DMD: variants seen among roughly 807,000 people sequenced by gnomAD.
The protein encoded by DMD is mutant dystrophin.
A neutral mutation model predicts 330.1 loss-of-function variants in DMD; 63 were observed. The observed-to-expected ratio is 0.19, with a 90% confidence interval of 0.16 to 0.24. The LOEUF (loss-of-function observed/expected upper bound fraction) is 0.24, where lower values mean the gene tolerates loss of function less well. Ranked by LOEUF, DMD falls within the 10% of genes least tolerant of loss-of-function variation. The pLI, the probability that DMD is intolerant of heterozygous loss-of-function variation, is 1.00. For missense variants in DMD, 3,344 were observed against 2,684.1 expected (o/e 1.25, Z -5.43); for synonymous variants, 1,223 against 959.8 (o/e 1.27, Z -5.07).
At chrX:31,829,687 A>C (rs1188065688) in intron 49 of DMD, among the ~76,000 whole-genome samples, 1 of 112,119 alleles carries the variant, frequency 8.9e-6, no homozygotes, top group Non-Finnish European at 1.9e-5. Context: ...AGTAAACTAG[A>C]ATATAGTTTT....
intron 32 of DMD, among the ~76,000 whole-genome samples, chrX:32,387,312 G>A (rs889764013): frequency 9.0e-6 from 1 of 110,727 alleles, no homozygotes; most frequent in Non-Finnish European, 1.9e-5. Context: ...AGAAATATAT[G>A]TCTTTGTATG....
intron 44 of DMD, among the ~76,000 whole-genome samples, chrX:32,181,776 T>A (rs912623354): frequency 1.8e-5 from 2 of 111,290 alleles, no homozygotes; most frequent in African/African-American, 6.5e-5. Context: ...ATATAGTATA[T>A]TTTCCATGTG....
chrX:31,591,526 T>C (rs998917846), intron 55 of DMD, among the ~76,000 whole-genome samples: 1 of 111,489 alleles, frequency 9.0e-6, no homozygotes, highest in Admixed American at 9.6e-5. Context: ...TAGAAGTTTA[T>C]GAAAGTCAGC....
At chrX:32,842,127 G>A (rs1405939498) in intron 4 of DMD, among the ~76,000 whole-genome samples, 2 of 112,062 alleles carry the variant, frequency 1.8e-5, no homozygotes, top group East Asian at 2.8e-4. Flanking sequence ...AGCCAGAAAT[G>A]AGCAGGCAAG....
chrX:32,493,869 G>A lies in DMD; in HGVS notation c.2381-2351C>T, dbSNP rs2043235675. 3.6e-5 allele frequency among the ~76,000 whole-genome samples: 4 copies of A among 111,042 alleles called. 1 individual carries two copies. In the South Asian group the frequency reaches 1.5e-3, roughly 42 times the overall value. Reference sequence around the variant, plus strand: ...ACAAGCAGTTAGAAGTCCATGAAGGGTGAAACGTCAACATGAACCAGGTAT... The same window carrying A: ...ACAAGCAGTTAGAAGTCCATGAAGGATGAAACGTCAACATGAACCAGGTAT... On this transcript the variant is annotated intron_variant, in intron 19 of 78. Coordinates refer to ENST00000357033, the MANE Select transcript of DMD (RefSeq NM_004006.3).
intron 45 of DMD, among the ~76,000 whole-genome samples, chrX:31,951,688 A>T (rs755938584): frequency 1.8e-5 from 2 of 111,311 alleles, no homozygotes; most frequent in South Asian, 7.4e-4. Context: ...ACAATAACAC[A>T]ATGTTATAAT....
chrX:32,736,579 T>C (rs1370218856), intron 7 of DMD, among the ~76,000 whole-genome samples: 1 of 111,000 alleles, frequency 9.0e-6, no homozygotes, highest in African/African-American at 3.3e-5. Context: ...TGGAATGCTA[T>C]GCGGCCATAA....
chrX:32,391,364 A>C (rs1268775341), intron 30 of DMD, among the ~76,000 whole-genome samples: 1 of 111,558 alleles, frequency 9.0e-6, no homozygotes, highest in East Asian at 2.8e-4. Flanking sequence ...TTTGCTTAGC[A>C]GTTTCCAGAG....
At position 31,845,860 on chromosome X, in the gene DMD, T is replaced by C. The variant is rs180949990; in HGVS notation, c.7099-9041A>G. ...TGCCTGTGATTAACACTGATGCAAA[T>C]GTACAGAAAGTAATTGCAAAAAGAA... On this transcript the variant is annotated intron_variant, in intron 48 of 78. Transcript: ENST00000357033. Among the ~76,000 whole-genome samples the C allele has an allele frequency of 1.8e-4, 20 of 111,362 alleles. No homozygotes were observed. In the Admixed American group the frequency reaches 1.8e-3, roughly 10 times the overall value.
intron 34 of DMD, among the ~76,000 whole-genome samples, chrX:32,371,569 G>C (rs1482543531): frequency 9.0e-6 from 1 of 111,393 alleles, no homozygotes; most frequent in East Asian, 2.8e-4. Context: ...TAAAATGTTA[G>C]TGATTAAATC....
intron 55 of DMD, among the ~76,000 whole-genome samples, chrX:31,550,641 C>T (rs780544775): frequency 9.0e-6 from 1 of 111,479 alleles, no homozygotes; most frequent in African/African-American, 3.3e-5. Flanking sequence ...AATTTATTTC[C>T]AATTTATATT....
intron 44 of DMD, among the ~76,000 whole-genome samples, chrX:32,057,898 A>G (rs1015520998): frequency 1.2e-4 from 13 of 111,058 alleles, no homozygotes; most frequent in Non-Finnish European, 2.3e-4. Context: ...AGACATATAG[A>G]CCAATGGAAC....
At chrX:31,171,834 T>C (rs963935793) in intron 73 of DMD, among the ~76,000 whole-genome samples, 4 of 111,772 alleles carry the variant, frequency 3.6e-5, no homozygotes, top group Admixed American at 1.9e-4. Flanking sequence ...CTTCATAAGA[T>C]TGCCTCACTT....
chrX:32,732,739 C>A (rs1224134857), intron 7 of DMD, among the ~76,000 whole-genome samples: 2 of 110,503 alleles, frequency 1.8e-5, no homozygotes, highest in Non-Finnish European at 3.8e-5. Context: ...ACCAGGCCTG[C>A]CCTAAAAGAG....
intron 2 of DMD, among the ~76,000 whole-genome samples, chrX:32,922,750 T>C (rs929282974): frequency 4.0e-4 from 45 of 111,763 alleles, no homozygotes; most frequent in African/African-American, 1.4e-3. Context: ...GGCCCAGGGT[T>C]TGGGGACCCC....
chrX:31,722,180 G>A (rs183728249), intron 52 of DMD, among the ~76,000 whole-genome samples: 8 of 110,417 alleles, frequency 7.2e-5, no homozygotes, highest in Non-Finnish European at 1.3e-4. Flanking sequence ...GTGCAATGGC[G>A]TGATCTCGGC....
At chrX:32,121,700 G>T (rs1202295713) in intron 44 of DMD, among the ~76,000 whole-genome samples, 1 of 90,451 alleles carries the variant, frequency 1.1e-5, no homozygotes, top group Non-Finnish European at 2.2e-5. Context: ...AAGTGTATCT[G>T]CGGAGAGCAG....
intron 62 of DMD, among the ~76,000 whole-genome samples, chrX:31,295,241 C>T (rs1341235942): frequency 1.8e-5 from 2 of 110,770 alleles, no homozygotes; most frequent in East Asian, 2.8e-4. Context: ...GTGATCCGCC[C>T]ACCTCGGCCT....
At chrX:31,825,179 C>T (rs2092865921) in intron 49 of DMD, among the ~76,000 whole-genome samples, 1 of 111,530 alleles carries the variant, frequency 9.0e-6, no homozygotes, top group African/African-American at 3.3e-5. Context: ...CCTACAAAGA[C>T]AGAATACTAA....
Sources: gnomAD v4.1 joint callset for allele counts (sites outside exome capture counted in the v4.1 genomes callset) on GRCh38, gnomAD v4.1.1 for gene constraint, MANE v1.5 for transcripts, NCBI Gene and HGNC (gene_info 2026-07-23, HGNC 2026-07-21) for gene names.